The following NCKAP5 variants were observed in gnomAD, a reference collection of about 807,000 sequenced individuals.
The protein encoded by NCKAP5 is nck-associated protein 5.
Under a neutral mutation model 167.0 loss-of-function variants are expected in NCKAP5, and 92 were observed. That is an observed-to-expected ratio of 0.55 (90% CI 0.47 to 0.66). The LOEUF (loss-of-function observed/expected upper bound fraction) is 0.66, where lower values mean the gene tolerates loss of function less well. Among genes scored for constraint, NCKAP5 ranks in the 30% least tolerant of loss-of-function variants. The pLI is 0.00. For synonymous variants in NCKAP5, 891 were observed against 877.4 expected, an observed-to-expected ratio of 1.02 and a Z score of -0.27; for missense variants, 2,378 against 2,315.0, an observed-to-expected ratio of 1.03 and a Z score of -0.56.
At chr2:133,562,330 C>T in intron 1 of NCKAP5, among the ~76,000 whole-genome samples, 1 of 152,142 alleles carries the variant, frequency 6.6e-6, no homozygotes, top group Middle Eastern at 3.4e-3. Context: ...GATATATAAA[C>T]AATTTACTAT....
intron 6 of NCKAP5, among the ~76,000 whole-genome samples, chr2:133,040,330 G>A (rs1052249234): frequency 2.6e-5 from 4 of 152,052 alleles, no homozygotes; most frequent in Non-Finnish European, 5.9e-5. Flanking sequence ...CGAAAACCAC[G>A]AATACTTTTG....
At chr2:133,617,982 G>A in the NCKAP5 span, among the ~76,000 whole-genome samples, 1 of 151,690 alleles carries the variant, frequency 6.6e-6, no homozygotes, top group South Asian at 2.1e-4. Context: ...CAGAACAGAG[G>A]CCTCAGAAAT....
chr2:133,491,962 T>C (rs1044075127), intron 3 of NCKAP5, among the ~76,000 whole-genome samples: 102 of 152,216 alleles, frequency 6.7e-4, no homozygotes, highest in African/African-American at 2.0e-3. Context: ...ACTACTCATA[T>C]GGTAAACAGG....
intron 16 of NCKAP5, among the ~76,000 whole-genome samples, chr2:132,743,541 G>A (rs1315370500): frequency 6.6e-6 from 1 of 151,548 alleles, no homozygotes; most frequent in African/African-American, 2.4e-5. Flanking sequence ...GGAAAATAGA[G>A]AGGTATAGCT....
intron 13 of NCKAP5, among the ~76,000 whole-genome samples, chr2:132,786,954 C>T (rs182464184): frequency 6.6e-6 from 1 of 152,298 alleles, no homozygotes; most frequent in Non-Finnish European, 1.5e-5. Context: ...CCTCTTCTCC[C>T]CTTTACCTTA....
At chr2:133,277,393 T>C (rs2089772792) in intron 4 of NCKAP5, among the ~76,000 whole-genome samples, 2 of 152,268 alleles carry the variant, frequency 1.3e-5, no homozygotes, top group South Asian at 4.1e-4. Flanking sequence ...GATATACTGA[T>C]AGAGAAAACC....
intron 5 of NCKAP5, among the ~76,000 whole-genome samples, chr2:133,174,935 G>A (rs10171171): frequency 0.24 from 36,701 of 151,986 alleles, 4,663 homozygotes; most frequent in South Asian, 0.31. Context: ...AATCTTGTTA[G>A]ATGTGACTAA....
chr2:132,940,995 C>T (rs1697255209), intron 8 of NCKAP5, among the ~76,000 whole-genome samples: 2 of 152,062 alleles, frequency 1.3e-5, no homozygotes, highest in African/African-American at 4.8e-5. Flanking sequence ...TTTTCTCCTA[C>T]ATTAATTCAT....
At chr2:132,832,971 G>A (rs1687625889) in intron 11 of NCKAP5, among the ~76,000 whole-genome samples, 1 of 152,016 alleles carries the variant, frequency 6.6e-6, no homozygotes, top group South Asian at 2.1e-4. Context: ...TTCCATAAAG[G>A]TTGCACTAAT....
chr2:133,091,745 G>C (rs1242364559), intron 6 of NCKAP5, among the ~76,000 whole-genome samples: 1 of 151,952 alleles, frequency 6.6e-6, no homozygotes, highest in Non-Finnish European at 1.5e-5. Flanking sequence ...AAATTAGCCG[G>C]GCATGGTGGT....
At chr2:132,700,578 G>A (rs1374040488) in intron 19 of NCKAP5, among the ~76,000 whole-genome samples, 3 of 152,078 alleles carry the variant, frequency 2.0e-5, no homozygotes, top group Non-Finnish European at 2.9e-5. Context: ...TTATTAAATC[G>A]GGAATCCTTT....
chr2:132,901,619 C>T (rs574114310), intron 8 of NCKAP5, among the ~76,000 whole-genome samples: 51 of 152,252 alleles, frequency 3.3e-4, no homozygotes, highest in African/African-American at 1.2e-3. Flanking sequence ...ATTGTGTCAA[C>T]AGAATATATT....
intron 6 of NCKAP5, among the ~76,000 whole-genome samples, chr2:133,072,535 T>C (rs1453233743): frequency 1.3e-5 from 2 of 152,178 alleles, no homozygotes; most frequent in African/African-American, 4.8e-5. Context: ...AGCCAGGTAC[T>C]TACAAGGACT....
intron 3 of NCKAP5, among the ~76,000 whole-genome samples, chr2:133,330,366 T>C (rs1682770080): frequency 6.8e-6 from 1 of 146,052 alleles, no homozygotes; most frequent in Non-Finnish European, 1.5e-5. Flanking sequence ...TTTACAGACA[T>C]GATACACCAT....
chr2:132,765,308 C>CTTTTTTTTTTTT (rs1170247644), intron 16 of NCKAP5, among the ~76,000 whole-genome samples: 2 of 114,310 alleles, frequency 1.7e-5, no homozygotes, highest in Non-Finnish European at 3.5e-5. Flanking sequence ...TTCTTTCTTT[C>CTTTTTTTTTTTT]TTTTTTTTTT....
intron 8 of NCKAP5, among the ~76,000 whole-genome samples, chr2:132,940,934 T>C (rs914342878): frequency 2.0e-5 from 3 of 152,040 alleles, no homozygotes; most frequent in Non-Finnish European, 4.4e-5. Context: ...ATATTTATAA[T>C]TAAAAGAAAC....
chr2:132,751,050 T>C (rs1404003977), intron 16 of NCKAP5, among the ~76,000 whole-genome samples: 2 of 152,070 alleles, frequency 1.3e-5, no homozygotes, highest in South Asian at 2.1e-4. Context: ...TTTATTTGTT[T>C]CAGAAGAAGT....
chr2:132,783,124 T>G lies in NCKAP5; in HGVS notation c.3687A>C (p.Leu1229=). Residue 1229 remains leucine, a synonymous_variant, in exon 14 of 20, where the codon CTA becomes CTC. Transcript: ENST00000409261. The stretch of plus-strand genomic sequence containing the variant: ...GGATGCTACTTTCCAATGGCTCTTG[T>G]AGTGCTGTTTCCAGGGGAAGCCCAT... ...LADGLPLETA[L]QEPLESSIPG... is the part of the protein sequence containing the mutation. 6.2e-7 allele frequency: 1 copy of G among 1,613,750 alleles called. No homozygotes were observed. Among genetic ancestry groups the G allele is most frequent in the East Asian group, 2.2e-5 (1 of 44,860 alleles).
the NCKAP5 span, among the ~76,000 whole-genome samples, chr2:133,656,268 CAAACAAAA>C: frequency 1.7e-5 from 2 of 119,964 alleles, no homozygotes; most frequent in Non-Finnish European, 1.8e-5. Flanking sequence ...AACAAACAAA[CAAACAAAA>C]AAAAAAAAAA....
Sources: gnomAD v4.1 joint callset for allele counts (sites outside exome capture counted in the v4.1 genomes callset) on GRCh38, gnomAD v4.1.1 for gene constraint, MANE v1.5 for transcripts, NCBI Gene and HGNC (gene_info 2026-07-23, HGNC 2026-07-21) for gene names.